Variants in UROS observed in about 807,000 individuals in gnomAD.
UROS encodes the protein uroporphyrinogen III synthase, also known as uroporphyrinogen-III synthase.
UROS carries 18 observed loss-of-function variants against 33.0 expected under a neutral mutation model. The observed-to-expected ratio is 0.55, with a 90% CI of 0.38 to 0.81. The LOEUF (loss-of-function observed/expected upper bound fraction) is 0.81, where lower values mean the gene tolerates loss of function less well. UROS is among the 30% of genes least tolerant of loss of function. The probability of loss-of-function intolerance (pLI) is 0.00; values close to 1 mark genes in which losing one functional copy is unlikely to be tolerated. For missense variants in UROS, 293 were observed against 314.9 expected (o/e 0.93, Z 0.53); for synonymous variants, 114 against 121.1 (o/e 0.94, Z 0.38).
chr10:125,814,668 A>C (rs1338211164), intron 4 of UROS, among the ~76,000 whole-genome samples: 1 of 152,250 alleles, frequency 6.6e-6, no homozygotes, highest in African/African-American at 2.4e-5. Context: ...CAAGTCAAAG[A>C]GGTGACTGGG....
rs1590040189 is a variant in UROS at position 125,822,850 on chromosome 10, C to T, written c.-27+179G>A. On this transcript the variant is annotated intron_variant, in intron 1 of 9. Transcript: ENST00000368797. ...AGAAGCTCGGCGAGGGTAGGCTGGGCAGGCGCCTTCCGTCACCGGCGCAGC... is the reference window on the plus strand; with the variant it reads ...AGAAGCTCGGCGAGGGTAGGCTGGGTAGGCGCCTTCCGTCACCGGCGCAGC... 3.3e-5 allele frequency among the ~76,000 whole-genome samples: 5 copies of T among 152,324 alleles called. No homozygotes were observed. In the South Asian group the frequency reaches 1.0e-3, roughly 32 times the overall value.
chr10:125,810,147 A>G (rs1000673266), intron 5 of UROS, among the ~76,000 whole-genome samples: 4 of 152,084 alleles, frequency 2.6e-5, no homozygotes, highest in Non-Finnish European at 4.4e-5. Flanking sequence ...AGTGGCTCCT[A>G]ATGATCCCTG....
At chr10:125,803,061 C>T in intron 6 of UROS, 1 of 1,612,828 alleles carries the variant, frequency 6.2e-7, no homozygotes, top group Non-Finnish European at 8.5e-7. Context: ...TGGACTTGGA[C>T]TAAGTATCTT....
chr10:125,807,919 A>AT (rs966922539), intron 5 of UROS, among the ~76,000 whole-genome samples: 10 of 152,152 alleles, frequency 6.6e-5, no homozygotes, highest in African/African-American at 1.7e-4. Flanking sequence ...CAGAGCCTTC[A>AT]TTTTTTTGGG....
Position 125,819,064 on chromosome 10 carries a change from A to G in UROS, c.-26-2539T>C, listed in dbSNP as rs1454100978. Among the ~76,000 whole-genome samples the G allele has an allele frequency of 2.6e-5, 4 of 152,082 alleles. No homozygotes were observed. In the East Asian group the frequency reaches 7.7e-4, roughly 29 times the overall value. On this transcript the variant is annotated intron_variant, in intron 1 of 9. Transcript: ENST00000368797. ...CAGTGGTGCAATCTCAACTCACTGC[A>G]ACCTCCGCCTCCCGGGTTCAAGCGA...
chr10:125,820,198 T>C (rs968558318), intron 1 of UROS, among the ~76,000 whole-genome samples: 7 of 152,188 alleles, frequency 4.6e-5, no homozygotes, highest in African/African-American at 1.7e-4. Context: ...TATAAGGTAT[T>C]AGCTCATGCA....
intron 6 of UROS, 38 bp from the exon 7 acceptor site, chr10:125,798,183 C>A (rs775610866): frequency 1.2e-6 from 2 of 1,606,662 alleles, no homozygotes; most frequent in African/African-American, 2.7e-5. Context: ...AAACTCAGGG[C>A]CAGTGCCTGT....
At chr10:125,787,370 C>T (rs966657827), downstream of UROS, among the ~76,000 whole-genome samples, 3 of 152,186 alleles carry the variant, frequency 2.0e-5, no homozygotes, top group African/African-American at 7.2e-5. Flanking sequence ...TTCCTCACTT[C>T]CGGGCTTGTC....
intron 9 of UROS, chr10:125,789,384 G>A (rs754805295): frequency 1.1e-4 from 133 of 1,171,316 alleles, no homozygotes; most frequent in Non-Finnish European, 1.4e-4. Context: ...GGAGGATGGT[G>A]TGGCAGGGGC....
Position 125,794,891 on chromosome 10 carries a change from C to G in UROS, c.649G>C (p.Asp217His), listed in dbSNP as rs755842053. 8.7e-6 allele frequency: 14 copies of G among 1,612,980 alleles called. No individual in the cohort carries two copies. In the East Asian group the frequency reaches 2.9e-4, roughly 33 times the overall value. Residue 217 changes from aspartate (D) to histidine (H), a missense_variant, in exon 9 of 10, where the codon GAT (aspartate) becomes CAT (histidine). Physicochemically the swap from Asp to His is moderately conservative, Grantham distance 81. Coordinates refer to ENST00000368797, the MANE Select transcript of UROS (RefSeq NM_000375.3). ...HIQELSGDNI[D>H]QIKFAAIGPT... The stretch of plus-strand genomic sequence containing the variant: ...ATTGAATAACTTACCTTAATTTGAT[C>G]GATATTGTCACCAGATAACTCCTGA...
At chr10:125,810,713 C>A (rs1264726585) in intron 5 of UROS, among the ~76,000 whole-genome samples, 2 of 152,164 alleles carry the variant, frequency 1.3e-5, no homozygotes, top group Non-Finnish European at 2.9e-5. Flanking sequence ...TCTAGTTGAA[C>A]AGAAACCTCA....
At chr10:125,793,915 G>A (rs1028036674) in intron 9 of UROS, 3 of 152,112 alleles carry the variant, frequency 2.0e-5, no homozygotes, top group Non-Finnish European at 4.4e-5. Flanking sequence ...TGAGTCCTGG[G>A]CCTTCTAGGA....
rs901662798 is a variant in UROS, at chr10:125,817,413, T to C, written c.-26-888A>G. Among the ~76,000 whole-genome samples, 26 of 151,166 alleles carry C rather than the reference T, an allele frequency of 1.7e-4. 1 individual carries two copies. The highest frequency in any genetic ancestry group is 2.1e-4 in the South Asian group (1 of 4,750). The stretch of plus-strand genomic sequence containing the variant: ...TCTTTTCCTCATTTCTGCTTGCCCT[T>C]TTACCTTCTCCCTTCTCTAAGGTGA... On this transcript the variant is annotated intron_variant, in intron 1 of 9. Coordinates refer to ENST00000368797, the MANE Select transcript of UROS (RefSeq NM_000375.3).
chr10:125,822,268 C>T (rs1331175189), intron 1 of UROS, among the ~76,000 whole-genome samples: 2 of 152,138 alleles, frequency 1.3e-5, no homozygotes, highest in African/African-American at 4.8e-5. Context: ...CCACTCTTCT[C>T]TCCAAATAGG....
rs193018320 is a variant in UROS, at chr10:125,797,943, C to T, written c.475+122G>A. On this transcript the variant is annotated intron_variant, in intron 7 of 9. Transcript: ENST00000368797. Reference sequence around the variant, plus strand: ...ATGGTCTCTGTGTCTCCTGGCCTGGCTTATCCAACCCAGCCCTGCTCTCCC... The same window carrying T: ...ATGGTCTCTGTGTCTCCTGGCCTGGTTTATCCAACCCAGCCCTGCTCTCCC... 1.1e-5 allele frequency: 13 copies of T among 1,177,478 alleles called. No homozygotes were observed. In the East Asian group the frequency reaches 2.6e-4, roughly 24 times the overall value. 72.9% of individuals were successfully genotyped at this position (1,177,478 alleles called of 1,614,324 possible).
chr10:125,788,431 C>T (rs529174328), downstream of UROS: 21 of 562,640 alleles, frequency 3.7e-5, no homozygotes, highest in South Asian at 7.6e-4. Flanking sequence ...AGGAACTTCA[C>T]GGTCCTTTTT....
chr10:125,796,938 T>A, intron 7 of UROS: 1 of 819,582 alleles, frequency 1.2e-6, no homozygotes, highest in Non-Finnish European at 1.5e-6. Context: ...CCATTTCATA[T>A]CCCTGAAAAC....
At position 125,815,195 on chromosome 10, in the gene UROS, TAA is replaced by T. The variant is rs1291583600; in HGVS notation, c.148-67_148-66del. On this transcript the variant is annotated intron_variant, in intron 3 of 9. Coordinates refer to ENST00000368797, the MANE Select transcript of UROS (RefSeq NM_000375.3). ...CTATGTTCAACATCTTCCAAGGAGCTAAGACTCAGAATTCCAAATGCTTCACA... is the reference window on the plus strand; with the variant it reads ...CTATGTTCAACATCTTCCAAGGAGCTGACTCAGAATTCCAAATGCTTCACA... 7.0e-6 allele frequency: 11 copies of T among 1,561,700 alleles called. No individual in the cohort carries two copies. The East Asian group carries it at 9.0e-5, about 13-fold the overall frequency.
At chr10:125,817,656 G>C (rs1196723968) in intron 1 of UROS, among the ~76,000 whole-genome samples, 2 of 151,864 alleles carry the variant, frequency 1.3e-5, no homozygotes, top group African/African-American at 4.8e-5. Flanking sequence ...CTGCCTCCCA[G>C]GCACTATTCT....
Sources: gnomAD v4.1 joint callset for allele counts (sites outside exome capture counted in the v4.1 genomes callset) on GRCh38, gnomAD v4.1.1 for gene constraint, MANE v1.5 for transcripts, NCBI Gene and HGNC (gene_info 2026-07-23, HGNC 2026-07-21) for gene names.